CELF4: variants seen among roughly 807,000 people sequenced by gnomAD.
The protein encoded by CELF4 is CUGBP Elav-like family member 4, also known as CUG-BP- and ETR-3-like factor 4.
In CELF4, 18 loss-of-function variants were observed where a neutral mutation model predicts 59.9. The ratio of observed to expected loss-of-function variants is 0.30; its 90% CI spans 0.21 to 0.45. CELF4 has a LOEUF of 0.45. CELF4 is among the 20% of genes least tolerant of loss of function. The pLI, the probability that CELF4 is intolerant of heterozygous loss-of-function variation, is 1.00. For synonymous variants in CELF4, 261 were observed against 267.1 expected (o/e 0.98, Z 0.22); for missense variants, 456 against 689.0 (o/e 0.66, Z 3.79).
intron 1 of CELF4, among the ~76,000 whole-genome samples, chr18:37,536,984 C>T (rs887634395): frequency 1.3e-5 from 2 of 152,202 alleles, no homozygotes; most frequent in African/African-American, 4.8e-5. Context: ...TGATGTAGCA[C>T]ATTCCCTGGG....
intron 2 of CELF4, among the ~76,000 whole-genome samples, chr18:37,460,323 C>T (rs145588404): frequency 4.5e-4 from 68 of 152,310 alleles, no homozygotes; most frequent in African/African-American, 1.5e-3. Flanking sequence ...GTAGTCCAAC[C>T]AGGAACACAG....
chr18:37,420,377 G>A (rs2099570554), intron 2 of CELF4, among the ~76,000 whole-genome samples: 1 of 152,370 alleles, frequency 6.6e-6, no homozygotes, highest in African/African-American at 2.4e-5. Context: ...TCACAGTTCC[G>A]ATGAGGAGTG....
At chr18:37,256,978 G>C (rs2070043497) in intron 11 of CELF4, among the ~76,000 whole-genome samples, 1 of 152,216 alleles carries the variant, frequency 6.6e-6, no homozygotes, top group South Asian at 2.1e-4. Flanking sequence ...GAACAGCTGG[G>C]CTGGACCAGC....
At chr18:37,451,770 C>T (rs140809175) in intron 2 of CELF4, among the ~76,000 whole-genome samples, 1,655 of 152,298 alleles carry the variant, frequency 0.011, 14 homozygotes, top group South Asian at 0.025. Context: ...CAAGAAGCCC[C>T]GCTGCTGGTG....
At chr18:37,314,730 G>C (rs555570688) in intron 3 of CELF4, among the ~76,000 whole-genome samples, 2 of 151,492 alleles carry the variant, frequency 1.3e-5, no homozygotes, top group South Asian at 2.1e-4. Context: ...TGCAGCTTGT[G>C]GGGGGAACAA....
At chr18:37,541,846 C>T (rs1418998692) in intron 1 of CELF4, among the ~76,000 whole-genome samples, 1 of 152,020 alleles carries the variant, frequency 6.6e-6, no homozygotes, top group African/African-American at 2.4e-5. Flanking sequence ...GGAGCCCTCC[C>T]CACTGACACG....
Position 37,246,377 on chromosome 18 carries a change from C to G in CELF4, c.*45-1180G>C, listed in dbSNP as rs2154249496. Among the ~76,000 whole-genome samples the G allele has an allele frequency of 6.6e-6, 1 of 152,302 alleles. No homozygotes were observed. Among genetic ancestry groups the G allele is most frequent in the South Asian group, 2.1e-4 (1 of 4,820 alleles). ...AAGGTGCATTTTGCTTTTGTTAGTA[C>G]TGTTTCTTCCAAACCAACCAAAAAA... On this transcript the variant is annotated intron_variant, in intron 12 of 12. Transcript: ENST00000420428. This position sits in a 1 kb window ranked among gnomAD's most constrained non-coding sequence, Gnocchi z 5.3.
intron 2 of CELF4, among the ~76,000 whole-genome samples, chr18:37,396,806 G>T (rs1485030921): frequency 1.3e-5 from 2 of 152,164 alleles, no homozygotes; most frequent in African/African-American, 4.8e-5. Context: ...TGACCGCACA[G>T]CCAAGCCACC....
chr18:37,542,346 G>A (rs1437288095), intron 1 of CELF4, among the ~76,000 whole-genome samples: 5 of 152,218 alleles, frequency 3.3e-5, no homozygotes, highest in Non-Finnish European at 7.3e-5. Context: ...TGCACCCACT[G>A]AACTTCACGA....
chr18:37,437,943 G>C (rs996853120), intron 2 of CELF4, among the ~76,000 whole-genome samples: 7 of 149,548 alleles, frequency 4.7e-5, no homozygotes, highest in African/African-American at 1.7e-4. Context: ...AGGAAGGTGA[G>C]GCCCTCATGA....
At chr18:37,297,048 G>A (rs1569544897) in intron 3 of CELF4, among the ~76,000 whole-genome samples, 1 of 152,186 alleles carries the variant, frequency 6.6e-6, no homozygotes, top group Non-Finnish European at 1.5e-5. Flanking sequence ...ACAGCGAGCA[G>A]GGAGAGAAGA....
intron 3 of CELF4, among the ~76,000 whole-genome samples, chr18:37,292,469 A>T (rs1304337181): frequency 6.6e-6 from 1 of 152,184 alleles, no homozygotes; most frequent in African/African-American, 2.4e-5. Flanking sequence ...CCACTCATTC[A>T]GCCTTGGGAA....
Position 37,514,979 on chromosome 18 carries a change from C to A in CELF4, c.287-29372G>T, listed in dbSNP as rs577764257. On this transcript the variant is annotated intron_variant, in intron 1 of 12. Coordinates refer to ENST00000420428, the MANE Select transcript of CELF4 (RefSeq NM_020180.4). ...AAGAAAATCTTTTTTTAAAAAAATGCCCCATTTCCCTGTTCCATTGCGGGA... is the reference window on the plus strand; with the variant it reads ...AAGAAAATCTTTTTTTAAAAAAATGACCCATTTCCCTGTTCCATTGCGGGA... Among the ~76,000 whole-genome samples the A allele has an allele frequency of 5.9e-5, 9 of 152,160 alleles. No homozygotes were observed. In the South Asian group the frequency reaches 1.9e-3, roughly 32 times the overall value.
At chr18:37,336,187 C>T (rs997341858) in intron 2 of CELF4, among the ~76,000 whole-genome samples, 50 of 152,312 alleles carry the variant, frequency 3.3e-4, no homozygotes, top group African/African-American at 1.2e-3. Flanking sequence ...AGCCAGAATG[C>T]GCCCCTCACG....
At chr18:37,310,573 C>T (rs2096608740) in intron 3 of CELF4, among the ~76,000 whole-genome samples, 1 of 152,208 alleles carries the variant, frequency 6.6e-6, no homozygotes, top group South Asian at 2.1e-4. Flanking sequence ...AGATCCTCCT[C>T]CCCTCTGAAG....
intron 1 of CELF4, among the ~76,000 whole-genome samples, chr18:37,506,398 C>T (rs1165009308): frequency 6.6e-6 from 1 of 152,098 alleles, no homozygotes; most frequent in Non-Finnish European, 1.5e-5. Context: ...AGGTCAAGCC[C>T]ATGGGCTATC....
chr18:37,310,435 C>G (rs1039731671), intron 3 of CELF4, among the ~76,000 whole-genome samples: 3 of 152,230 alleles, frequency 2.0e-5, no homozygotes, highest in African/African-American at 7.2e-5. Context: ...TTTAAAGCAG[C>G]TTCTGGAAAT....
intron 3 of CELF4, among the ~76,000 whole-genome samples, chr18:37,317,028 G>C (rs1179879558): frequency 6.6e-6 from 1 of 152,214 alleles, no homozygotes; most frequent in Admixed American, 6.5e-5. Context: ...TAGCCTCTCT[G>C]TGCCTTGGTT....
At chr18:37,531,575 T>C (rs1005880458) in intron 1 of CELF4, among the ~76,000 whole-genome samples, 1 of 152,202 alleles carries the variant, frequency 6.6e-6, no homozygotes, top group South Asian at 2.1e-4. Context: ...ATCAATTATT[T>C]ATTTAATAAC....
Sources: gnomAD v4.1 joint callset for allele counts (sites outside exome capture counted in the v4.1 genomes callset) on GRCh38, gnomAD v4.1.1 for gene constraint, Gnocchi (gnomAD v3.1) non-coding constraint, MANE v1.5 for transcripts, NCBI Gene and HGNC (gene_info 2026-07-23, HGNC 2026-07-21) for gene names.